Variants in DTD1 observed in about 807,000 individuals in gnomAD.
DTD1 encodes D-tyrosyl-tRNA deacylase 1 homolog.
Under a neutral mutation model 25.6 loss-of-function variants are expected in DTD1, and 13 were observed. The ratio of observed to expected loss-of-function variants is 0.51; its 90% CI spans 0.33 to 0.81. DTD1 has a LOEUF of 0.81. Ranked by LOEUF, DTD1 falls within the 30% of genes least tolerant of loss-of-function variation. DTD1 has a pLI of 0.02. For missense variants in DTD1, 193 were observed against 266.4 expected (o/e 0.72, Z 1.92); for synonymous variants, 110 against 103.6 (o/e 1.06, Z -0.37).
chr20:18,615,914 C>CT, intron 3 of DTD1, among the ~76,000 whole-genome samples: 1 of 152,290 alleles, frequency 6.6e-6, no homozygotes, highest in Middle Eastern at 3.4e-3. Context: ...AAGACCACGT[C>CT]TAAGTTTTTG....
At chr20:18,597,548 T>A (rs1452124355) in intron 3 of DTD1, among the ~76,000 whole-genome samples, 1 of 152,182 alleles carries the variant, frequency 6.6e-6, no homozygotes, top group Admixed American at 6.5e-5. Context: ...GTTGCCCCAG[T>A]CCTAGGCAGC....
chr20:18,615,852 A>T (rs2060707009), intron 3 of DTD1, among the ~76,000 whole-genome samples: 1 of 152,202 alleles, frequency 6.6e-6, no homozygotes, highest in Non-Finnish European at 1.5e-5. Context: ...GACGTCCATG[A>T]TGCCCGTGCC....
chr20:18,684,297 T>A (rs1302382296), intron 4 of DTD1, among the ~76,000 whole-genome samples: 1 of 152,072 alleles, frequency 6.6e-6, no homozygotes, highest in Non-Finnish European at 1.5e-5. Context: ...ATGACTTTTT[T>A]TTTTCTTGAG....
At position 18,624,264 on chromosome 20, in the gene DTD1, G is replaced by C. The variant is rs544167994; in HGVS notation, c.371-3863G>C. Among the ~76,000 whole-genome samples, 3 of 152,238 alleles carry C rather than the reference G, an allele frequency of 2.0e-5. No individual in the cohort carries two copies. The East Asian group carries it at 5.8e-4, about 29-fold the overall frequency. On this transcript the variant is annotated intron_variant, in intron 3 of 5. Coordinates refer to ENST00000377452, the MANE Select transcript of DTD1 (RefSeq NM_080820.6). Reference sequence around the variant, plus strand: ...AGCACACCAGAGCTCCTGCAGTGAGGTTAAGTGACAATATACTGCAATAGT... The same window carrying C: ...AGCACACCAGAGCTCCTGCAGTGAGCTTAAGTGACAATATACTGCAATAGT...
intron 4 of DTD1, among the ~76,000 whole-genome samples, chr20:18,732,095 T>C (rs1029232736): frequency 3.3e-5 from 5 of 152,254 alleles, no homozygotes; most frequent in African/African-American, 1.2e-4. Flanking sequence ...TCTTGTTTTA[T>C]TGTTATTTTG....
At chr20:18,632,408 G>A (rs2060792200) in intron 4 of DTD1, 4 of 985,338 alleles carry the variant, frequency 4.1e-6, no homozygotes, top group Non-Finnish European at 4.8e-6. Flanking sequence ...GTGGGTAGGC[G>A]CAGAAGCGGC....
chr20:18,761,245 A>G (rs528022836), intron 5 of DTD1, among the ~76,000 whole-genome samples: 32 of 152,196 alleles, frequency 2.1e-4, no homozygotes, highest in African/African-American at 6.3e-4. Flanking sequence ...TCCACTGTCC[A>G]GCAATCCCCA....
chr20:18,639,578 T>C (rs1030503050), intron 4 of DTD1, among the ~76,000 whole-genome samples: 3 of 152,196 alleles, frequency 2.0e-5, no homozygotes, highest in Non-Finnish European at 4.4e-5. Context: ...CTCTTGCTGC[T>C]AGCTGGTCAA....
rs1014366159 is a variant in DTD1, at chr20:18,661,606, C to T, written c.477+33373C>T. On this transcript the variant is annotated intron_variant, in intron 4 of 5. Coordinates refer to ENST00000377452, the MANE Select transcript of DTD1 (RefSeq NM_080820.6). ...CAGGATGGTTTTGATCTCCTGACCT[C>T]GTGATCTGCCCGCCTTGGCCTCCCA... Among the ~76,000 whole-genome samples the T allele has an allele frequency of 7.9e-5, 12 of 152,088 alleles. 1 individual carries two copies. The highest frequency in any genetic ancestry group is 2.4e-4 in the African/African-American group (10 of 41,416).
At chr20:18,754,014 G>A (rs1840366378) in intron 5 of DTD1, among the ~76,000 whole-genome samples, 2 of 152,064 alleles carry the variant, frequency 1.3e-5, no homozygotes, top group South Asian at 4.1e-4. Context: ...CTAGGTAAAT[G>A]AATTCTGATT....
intron 4 of DTD1, among the ~76,000 whole-genome samples, chr20:18,640,702 C>T (rs1250214642): frequency 6.6e-6 from 1 of 150,910 alleles, no homozygotes; most frequent in Non-Finnish European, 1.5e-5. Flanking sequence ...GTGATCTCAG[C>T]TCACTGCAAC....
chr20:18,641,343 C>T (rs2060827353), intron 4 of DTD1, among the ~76,000 whole-genome samples: 1 of 152,166 alleles, frequency 6.6e-6, no homozygotes, highest in Non-Finnish European at 1.5e-5. Context: ...CTTTTAATTC[C>T]TCTGGGTAAA....
At chr20:18,593,592 T>G in intron 1 of DTD1, 139 bp from the exon 2 acceptor site, 1 of 625,758 alleles carries the variant, frequency 1.6e-6, no homozygotes, top group African/African-American at 1.8e-5. Flanking sequence ...ACTCTTTTCA[T>G]TTTCGAATAC....
At chr20:18,750,080 A>G (rs1298929641) in intron 5 of DTD1, among the ~76,000 whole-genome samples, 2 of 152,148 alleles carry the variant, frequency 1.3e-5, no homozygotes, top group South Asian at 2.1e-4. Flanking sequence ...GCCGCCCACA[A>G]CTAGCCGAGG....
At chr20:18,617,483 A>C (rs990665740) in intron 3 of DTD1, among the ~76,000 whole-genome samples, 1 of 151,990 alleles carries the variant, frequency 6.6e-6, no homozygotes, top group Non-Finnish European at 1.5e-5. Context: ...GTACTTACAC[A>C]GTACCATACT....
intron 4 of DTD1, among the ~76,000 whole-genome samples, chr20:18,644,528 G>T (rs2060843401): frequency 6.6e-6 from 1 of 152,176 alleles, no homozygotes; most frequent in South Asian, 2.1e-4. Flanking sequence ...TACCAGGTAG[G>T]CTCAGCCAAC....
At chr20:18,588,205 G>A in intron 1 of DTD1, 90 bp downstream of exon 1, 2 of 1,149,516 alleles carry the variant, frequency 1.7e-6, no homozygotes, top group Non-Finnish European at 2.2e-6. Context: ...CGCCATCCTT[G>A]GGGCCGCTGC....
chr20:18,709,281 A>T (rs1302649007), intron 4 of DTD1, among the ~76,000 whole-genome samples: 1 of 152,188 alleles, frequency 6.6e-6, no homozygotes, highest in East Asian at 1.9e-4. Context: ...AGAAAGGTGC[A>T]TGTTTATGTA....
chr20:18,614,959 C>T (rs1405333848), intron 3 of DTD1, among the ~76,000 whole-genome samples: 1 of 152,136 alleles, frequency 6.6e-6, no homozygotes, highest in East Asian at 1.9e-4. Flanking sequence ...ACTTCTCATC[C>T]TTGGCCTCCC....
Sources: allele counts gnomAD v4.1 joint callset (sites outside exome capture counted in the v4.1 genomes callset), GRCh38; gene constraint gnomAD v4.1.1; transcripts MANE v1.5; gene names NCBI Gene and HGNC (gene_info 2026-07-23, HGNC 2026-07-21).